Variants in EBF3 observed in about 807,000 individuals in gnomAD.
EBF3 encodes the protein transcription factor COE3.
In EBF3, 18 loss-of-function variants were observed where a neutral mutation model predicts 77.1. That is an observed-to-expected ratio of 0.23 (90% CI 0.16 to 0.35). The LOEUF is 0.35. Ranked by LOEUF, EBF3 falls within the 10% of genes least tolerant of loss-of-function variation. The pLI is 1.00. For synonymous variants in EBF3, 350 were observed against 343.5 expected (o/e 1.02, Z -0.21); for missense variants, 558 against 860.0 (o/e 0.65, Z 4.39).
intron 7 of EBF3, 61 bp from the exon 8 acceptor site, chr10:129,873,657 G>A (rs1227438248): frequency 1.4e-6 from 2 of 1,428,504 alleles, no homozygotes; most frequent in African/African-American, 2.9e-5. Context: ...CCCCCTGTTA[G>A]GCAAAATACA....
rs148779488 is a variant in EBF3, at chr10:129,915,781, C to T, written c.555-37932G>A. 2.8e-3 allele frequency among the ~76,000 whole-genome samples: 428 copies of T among 152,284 alleles called. 5 individuals are homozygous for T. Among genetic ancestry groups the T allele is most frequent in the African/African-American group, 9.6e-3 (397 of 41,554 alleles). On this transcript the variant is annotated intron_variant, in intron 6 of 16. Coordinates refer to ENST00000440978, the MANE Select transcript of EBF3 (RefSeq NM_001375380.1). ...CCGGCTTGTGCTTTTTCCGTTTTGT[C>T]TAGAAATTTGGGTTGCACTAAATTC...
At chr10:129,894,003 G>A (rs889676142) in intron 6 of EBF3, among the ~76,000 whole-genome samples, 1 of 152,222 alleles carries the variant, frequency 6.6e-6, no homozygotes, top group Non-Finnish European at 1.5e-5. Flanking sequence ...CAACTCGTGT[G>A]GCTGGAGATG....
chr10:129,904,403 T>C (rs980953468), intron 6 of EBF3, among the ~76,000 whole-genome samples: 1 of 152,192 alleles, frequency 6.6e-6, no homozygotes, highest in Non-Finnish European at 1.5e-5. Flanking sequence ...TGGAGATGGA[T>C]GGATGGACAG....
At chr10:129,937,062 G>A (rs970476734) in intron 6 of EBF3, among the ~76,000 whole-genome samples, 2 of 152,116 alleles carry the variant, frequency 1.3e-5, no homozygotes, top group Non-Finnish European at 2.9e-5. Flanking sequence ...AGCTTCATTC[G>A]GGCCCCAAGG....
Position 129,943,989 on chromosome 10 carries a change from T to C in EBF3, c.554+13269A>G, listed in dbSNP as rs1440014653. 6.6e-6 allele frequency among the ~76,000 whole-genome samples: 1 copy of C among 152,220 alleles called. No individual in the cohort carries two copies. Among genetic ancestry groups the C allele is most frequent in the African/African-American group, 2.4e-5 (1 of 41,454 alleles). On this transcript the variant is annotated intron_variant, in intron 6 of 16. Transcript: ENST00000440978. This position sits in a 1 kb window ranked among gnomAD's most constrained non-coding sequence, Gnocchi z 8.8. ...TATCTCCCCAGACCTTCCCACCCTA[T>C]GCGTGATTTCTGAGTTGATTAACAT...
At position 129,837,460 on chromosome 10, in the gene EBF3, C is replaced by T. The variant is rs761120012; in HGVS notation, c.*483G>A. On this transcript the variant is annotated 3_prime_UTR_variant, in exon 17 of 17. Coordinates refer to ENST00000440978, the MANE Select transcript of EBF3 (RefSeq NM_001375380.1). Reference sequence around the variant, plus strand: ...TACCTCCTTGGCCCTCTTTTTATCACCACAAAAAAATATTTCACATTATAG... The same window carrying T: ...TACCTCCTTGGCCCTCTTTTTATCATCACAAAAAAATATTTCACATTATAG... 3 of 156,840 alleles carry T rather than the reference C, an allele frequency of 1.9e-5. No individual in the cohort carries two copies. Among genetic ancestry groups the T allele is most frequent in the African/African-American group, 4.8e-5 (2 of 41,346 alleles). The allele number at this position is 156,840 out of a possible 1,614,324, so 9.7% of individuals were successfully genotyped here.
chr10:129,959,012 G>A lies in EBF3; in HGVS notation c.412-5C>T, dbSNP rs771834990. On this transcript the variant is annotated splice_polypyrimidine_tract_variant and splice_region_variant and intron_variant, in intron 4 of 16. Transcript: ENST00000440978. ...CTGGCCCTCGTAGACGATGGCCTGCGCGAGGGACAAGCAGAGGCTGGGGTT... is the reference window on the plus strand; with the variant it reads ...CTGGCCCTCGTAGACGATGGCCTGCACGAGGGACAAGCAGAGGCTGGGGTT... 1.9e-6 allele frequency: 3 copies of A among 1,597,932 alleles called. No homozygotes were observed. The highest frequency in any genetic ancestry group is 2.6e-6 in the Non-Finnish European group (3 of 1,173,672).
At position 129,840,801 on chromosome 10, in the gene EBF3, A is replaced by G. The variant is rs781288025; in HGVS notation, c.1561+43T>C. Reference sequence around the variant, plus strand: ...ATGCACACACTCGACTCGGTAGTGAATATGAATCTGCGTGATGACGTGTGA... The same window carrying G: ...ATGCACACACTCGACTCGGTAGTGAGTATGAATCTGCGTGATGACGTGTGA... On this transcript the variant is annotated intron_variant, in intron 14 of 16. Coordinates refer to ENST00000440978, the MANE Select transcript of EBF3 (RefSeq NM_001375380.1). The G allele has an allele frequency of 2.5e-6, 4 of 1,589,098 alleles. No individual in the cohort carries two copies. In the Admixed American group the frequency reaches 5.1e-5, roughly 20 times the overall value.
At position 129,837,641 on chromosome 10, in the gene EBF3, A is replaced by AT; in HGVS notation, c.*301dup. On this transcript the variant is annotated 3_prime_UTR_variant, in exon 17 of 17. Transcript: ENST00000440978. ...TGGCCAAGACGGAGTCGGAAACTTT[A>AT]TACAAAATAGGCGTCGCTTTGTTTT... 2 of 393,394 alleles carry AT rather than the reference A, an allele frequency of 5.1e-6. No homozygotes were observed. The highest frequency in any genetic ancestry group is 9.1e-6 in the Non-Finnish European group (2 of 218,884). The allele number at this position is 393,394 out of a possible 1,614,324, so 24.4% of individuals were successfully genotyped here.
At chr10:129,852,840 A>G (rs1169461362) in intron 10 of EBF3, among the ~76,000 whole-genome samples, 1 of 152,188 alleles carries the variant, frequency 6.6e-6, no homozygotes, top group Non-Finnish European at 1.5e-5. Context: ...CAGCTACTAC[A>G]TGCCTGGGGC....
rs1050509472 is a variant in EBF3 at position 129,841,681 on chromosome 10, G to A, written c.1372+435C>T. On this transcript the variant is annotated intron_variant, in intron 13 of 16. Transcript: ENST00000440978. This position sits in a 1 kb window ranked among gnomAD's most constrained non-coding sequence, Gnocchi z 4.6. ...GACACTGCACTGTGGGATGGGGTGC[G>A]GGGTGGGGAAATGGGGGTCTGTCTC... 4.6e-5 allele frequency among the ~76,000 whole-genome samples: 7 copies of A among 152,128 alleles called. No individual in the cohort carries two copies. Among genetic ancestry groups the A allele is most frequent in the Non-Finnish European group, 7.4e-5 (5 of 68,026 alleles).
intron 8 of EBF3, among the ~76,000 whole-genome samples, chr10:129,871,224 C>T (rs980461979): frequency 6.6e-6 from 1 of 152,078 alleles, no homozygotes; most frequent in Non-Finnish European, 1.5e-5. Context: ...GGGTTGGAGT[C>T]GTTTACGAGG....
chr10:129,929,318 C>G (rs1279261593), intron 6 of EBF3, among the ~76,000 whole-genome samples: 3 of 152,156 alleles, frequency 2.0e-5, no homozygotes, highest in Non-Finnish European at 2.9e-5. Context: ...CATCCTCCAA[C>G]CTCAGCCTCC....
intron 6 of EBF3, among the ~76,000 whole-genome samples, chr10:129,921,107 A>G (rs1856266548): frequency 1.3e-5 from 2 of 152,154 alleles, no homozygotes; most frequent in African/African-American, 4.8e-5. Flanking sequence ...CAAAGCAAAC[A>G]AGAGAAAACA....
chr10:129,929,448 C>T (rs559888375), intron 6 of EBF3, among the ~76,000 whole-genome samples: 246 of 152,238 alleles, frequency 1.6e-3, no homozygotes, highest in South Asian at 2.9e-3. Flanking sequence ...TCAAGCAATC[C>T]GCCCACCTCA....
chr10:129,920,379 G>C lies in EBF3; in HGVS notation c.554+36879C>G, dbSNP rs920496236. ...GCTGTGCGGTCTAGGGCGAATATCT[G>C]CAGGAGGGCCACAAACCCACCCCGC... is the stretch of plus-strand genomic sequence containing the variant. On this transcript the variant is annotated intron_variant, in intron 6 of 16. Coordinates refer to ENST00000440978, the MANE Select transcript of EBF3 (RefSeq NM_001375380.1). 2.2e-3 allele frequency among the ~76,000 whole-genome samples: 306 copies of C among 138,602 alleles called. 2 individuals carry two copies. The highest frequency in any genetic ancestry group is 3.0e-3 in the Non-Finnish European group (188 of 62,074). The allele number at this position is 138,602 out of a possible 152,430, so 90.9% of individuals were successfully genotyped here. A position where few individuals can be genotyped will look rare whatever the true frequency, so the allele number is the denominator to read the frequency against.
At chr10:129,951,088 T>C (rs1858641486) in intron 6 of EBF3, among the ~76,000 whole-genome samples, 2 of 152,244 alleles carry the variant, frequency 1.3e-5, no homozygotes, top group Non-Finnish European at 2.9e-5. Context: ...CACCTATGCC[T>C]AGCAAAGATC....
In EBF3 at chr10:129,848,102, T is replaced by C. The variant is rs1240453748; in HGVS notation, c.1128+290A>G. 6.6e-6 allele frequency among the ~76,000 whole-genome samples: 1 copy of C among 152,220 alleles called. No homozygotes were observed. The highest frequency in any genetic ancestry group is 1.5e-5 in the Non-Finnish European group (1 of 68,028). On this transcript the variant is annotated intron_variant, in intron 11 of 16. Transcript: ENST00000440978. This position sits in a 1 kb window ranked among gnomAD's most constrained non-coding sequence, Gnocchi z 4.4. ...GGAAGTTTATGTCCCCCTCACAGAATCCAAAATATTTGTTATCAGAAAAGC... is the reference window on the plus strand; with the variant it reads ...GGAAGTTTATGTCCCCCTCACAGAACCCAAAATATTTGTTATCAGAAAAGC...
chr10:129,843,127 C>T lies in EBF3; in HGVS notation c.1194+10G>A. 2 of 1,612,492 alleles carry T rather than the reference C, an allele frequency of 1.2e-6. No individual in the cohort carries two copies. The highest frequency in any genetic ancestry group is 1.1e-5 in the South Asian group (1 of 90,862). On this transcript the variant is annotated intron_variant, in intron 12 of 16. Coordinates refer to ENST00000440978, the MANE Select transcript of EBF3 (RefSeq NM_001375380.1). Reference sequence around the variant, plus strand: ...GGGAGGATGGGCGAGGGGAGCCGCCCTCCACCTACCTGGTTGTTGTGAGGC... The same window carrying T: ...GGGAGGATGGGCGAGGGGAGCCGCCTTCCACCTACCTGGTTGTTGTGAGGC...
Sources: allele counts gnomAD v4.1 joint callset (sites outside exome capture counted in the v4.1 genomes callset), GRCh38; gene constraint gnomAD v4.1.1; non-coding constraint Gnocchi (gnomAD v3.1); transcripts MANE v1.5; gene names NCBI Gene and HGNC (gene_info 2026-07-23, HGNC 2026-07-21).